Variants in SEMA3A observed in about 807,000 individuals in gnomAD.
The protein encoded by SEMA3A is semaphorin 3A.
Under a neutral mutation model 97.9 loss-of-function variants are expected in SEMA3A, and 29 were observed. The observed-to-expected ratio is 0.30, with a 90% confidence interval of 0.22 to 0.40. The LOEUF (loss-of-function observed/expected upper bound fraction) is 0.40. SEMA3A is among the 10% of genes least tolerant of loss of function. The pLI, the probability that SEMA3A is intolerant of heterozygous loss-of-function variation, is 1.00. For synonymous variants in SEMA3A, 321 were observed against 323.7 expected (o/e 0.99, Z 0.09); for missense variants, 763 against 951.3 (o/e 0.80, Z 2.60).
At chr7:84,484,574 G>C (rs967807848) in intron 1 of SEMA3A, among the ~76,000 whole-genome samples, 1 of 151,368 alleles carries the variant, frequency 6.6e-6, no homozygotes, top group Admixed American at 6.6e-5. Context: ...CACACACAGA[G>C]AGCAAGTTTT....
chr7:84,280,712 C>T (rs189283918), intron 3 of SEMA3A, among the ~76,000 whole-genome samples: 168 of 151,940 alleles, frequency 1.1e-3, no homozygotes, highest in Non-Finnish European at 2.0e-3. Flanking sequence ...ACCCGGGAGG[C>T]GGAGGTTGTA....
At chr7:84,301,745 C>T (rs1429415065) in intron 3 of SEMA3A, among the ~76,000 whole-genome samples, 1 of 152,154 alleles carries the variant, frequency 6.6e-6, no homozygotes. Flanking sequence ...CCATATACTT[C>T]TATTCACAAA....
intron 6 of SEMA3A, among the ~76,000 whole-genome samples, chr7:84,037,058 A>G (rs1385921050): frequency 1.3e-5 from 2 of 152,116 alleles, no homozygotes. Flanking sequence ...TCAGGAAATT[A>G]TTATTAACCA....
At position 84,243,217 on chromosome 7, in the gene SEMA3A, T is replaced by C. The variant is rs139686515; in HGVS notation, c.-82-48549A>G. On this transcript the variant is annotated intron_variant, in intron 3 of 3. Coordinates refer to the SEMA3A transcript ENST00000424555. Reference sequence around the variant, plus strand: ...TCTATTGCTTGGAGTAGTTTCACAATGAATGGTACCAGCTGCTCTTTGTAA... The same window carrying C: ...TCTATTGCTTGGAGTAGTTTCACAACGAATGGTACCAGCTGCTCTTTGTAA... 6.3e-3 allele frequency among the ~76,000 whole-genome samples: 958 copies of C among 152,224 alleles called. 6 individuals are homozygous for C. Among genetic ancestry groups the C allele is most frequent in the Non-Finnish European group, 0.011 (730 of 67,994 alleles).
intron 3 of SEMA3A, among the ~76,000 whole-genome samples, chr7:84,227,101 C>A (rs565925289): frequency 5.9e-5 from 9 of 151,808 alleles, no homozygotes; most frequent in African/African-American, 1.9e-4. Context: ...TGGCAGAAAA[C>A]CAGTTTTCTC....
intron 12 of SEMA3A, among the ~76,000 whole-genome samples, chr7:83,993,430 G>A (rs959850342): frequency 2.0e-5 from 3 of 151,620 alleles, no homozygotes; most frequent in African/African-American, 7.3e-5. Context: ...TTACATTTTG[G>A]CATGATTTTG....
At chr7:84,267,601 CA>C (rs2115687990) in intron 3 of SEMA3A, among the ~76,000 whole-genome samples, 1 of 151,960 alleles carries the variant, frequency 6.6e-6, no homozygotes, top group African/African-American at 2.4e-5. Context: ...GTTTTATTTG[CA>C]AGTTTTGATA....
At chr7:84,112,483 C>T (rs1042169656) in intron 3 of SEMA3A, among the ~76,000 whole-genome samples, 3 of 152,104 alleles carry the variant, frequency 2.0e-5, no homozygotes, top group Non-Finnish European at 4.4e-5. Flanking sequence ...ACCTAAGTGC[C>T]TCCTTAGAAA....
intron 1 of SEMA3A, among the ~76,000 whole-genome samples, chr7:84,156,029 C>T (rs565388898): frequency 1.3e-5 from 2 of 152,154 alleles, no homozygotes; most frequent in East Asian, 3.9e-4. Context: ...ATCTTTAAAG[C>T]CCTTTTTCTG....
chr7:84,211,381 C>T (rs576496058), intron 3 of SEMA3A, among the ~76,000 whole-genome samples: 4 of 151,326 alleles, frequency 2.6e-5, no homozygotes, highest in South Asian at 2.1e-4. Context: ...GAGGCCAAGG[C>T]GGGTGGATCA....
intron 1 of SEMA3A, among the ~76,000 whole-genome samples, chr7:84,441,389 A>G (rs1369403672): frequency 1.3e-5 from 2 of 151,846 alleles, no homozygotes; most frequent in Non-Finnish European, 2.9e-5. Flanking sequence ...GGAGCTTCAA[A>G]ATATAATAAC....
At chr7:84,468,132 G>A (rs940701770) in intron 1 of SEMA3A, among the ~76,000 whole-genome samples, 14 of 152,282 alleles carry the variant, frequency 9.2e-5, no homozygotes, top group African/African-American at 1.4e-4. Context: ...AATTTAAAAC[G>A]AGGGAGGAAA....
intron 6 of SEMA3A, among the ~76,000 whole-genome samples, chr7:84,029,328 A>T (rs780440021): frequency 1.6e-4 from 25 of 152,152 alleles, no homozygotes; most frequent in Admixed American, 2.6e-4. Flanking sequence ...GGATTTTTAC[A>T]GTGCTTTTTG....
chr7:84,142,332 A>T lies in SEMA3A; in HGVS notation c.113-7381T>A, dbSNP rs938169443. 2.0e-5 allele frequency among the ~76,000 whole-genome samples: 3 copies of T among 152,184 alleles called. No homozygotes were observed. In the East Asian group the frequency reaches 5.8e-4, roughly 29 times the overall value. ...AAAAGTAGACAAATACCTTTAGAGAAGCAAAACCTAAATCTGTAACAGCAA... is the reference window on the plus strand; with the variant it reads ...AAAAGTAGACAAATACCTTTAGAGATGCAAAACCTAAATCTGTAACAGCAA... On this transcript the variant is annotated intron_variant, in intron 1 of 16. Transcript: ENST00000265362.
chr7:84,375,040 G>A (rs1584273325), intron 1 of SEMA3A, among the ~76,000 whole-genome samples: 1 of 151,984 alleles, frequency 6.6e-6, no homozygotes, highest in East Asian at 1.9e-4. Context: ...ATTTTTTTGA[G>A]ACCGAGTCTC....
chr7:83,981,369 C>T lies in SEMA3A; in HGVS notation c.1604G>A (p.Cys535Tyr). 1 of 1,614,006 alleles carries T rather than the reference C, an allele frequency of 6.2e-7. No homozygotes were observed. The highest frequency in any genetic ancestry group is 8.5e-7 in the Non-Finnish European group (1 of 1,179,946). Residue 535 changes from cysteine (C) to tyrosine (Y), a missense_variant, in exon 14 of 17, where the codon TGT becomes TAT. Physicochemically the swap from Cys to Tyr is radical, Grantham distance 194. Transcript: ENST00000265362. Reference protein sequence around the residue: ...AECCLARDPYCAWDGSACSRY... With the variant: ...AECCLARDPYYAWDGSACSRY... The stretch of plus-strand genomic sequence containing the variant: ...AGAACATGCAGAACCATCCCAAGCA[C>T]AGTAAGGGTCTCGGGCGAGGCAACA...
intron 15 of SEMA3A, among the ~76,000 whole-genome samples, chr7:83,973,952 T>G (rs1337404693): frequency 6.6e-6 from 1 of 151,598 alleles, no homozygotes; most frequent in Non-Finnish European, 1.5e-5. Context: ...TATGGCCCAT[T>G]CTTAGTGAGA....
At chr7:84,313,372 AT>A (rs1801406245) in intron 2 of SEMA3A, among the ~76,000 whole-genome samples, 1 of 43,232 alleles carries the variant, frequency 2.3e-5, no homozygotes, top group Admixed American at 2.9e-4. Flanking sequence ...ATATATATAT[AT>A]ATATATATAT....
At chr7:84,224,303 C>A (rs10085599) in intron 3 of SEMA3A, among the ~76,000 whole-genome samples, 107,255 of 151,726 alleles carry the variant, frequency 0.71, 38,120 homozygotes, top group East Asian at 0.79. Flanking sequence ...TTGGCTTTGC[C>A]TACAATTAAA....
Sources: allele counts gnomAD v4.1 joint callset (sites outside exome capture counted in the v4.1 genomes callset), GRCh38; gene constraint gnomAD v4.1.1; transcripts MANE v1.5; gene names NCBI Gene and HGNC (gene_info 2026-07-23, HGNC 2026-07-21).